The following OOEP variants were observed in gnomAD, a reference collection of about 807,000 sequenced individuals.
The protein encoded by OOEP is oocyte expressed protein.
Under a neutral mutation model 13.7 loss-of-function variants are expected in OOEP, and 16 were observed. The observed-to-expected ratio is 1.16, with a 90% CI of 0.79 to 1.77. The LOEUF is 1.77. OOEP is among the 40% of genes most tolerant of loss of function. The pLI is 0.00. For missense variants in OOEP, 195 were observed against 193.1 expected (o/e 1.01, Z -0.06); for synonymous variants, 89 against 77.1 (o/e 1.15, Z -0.81).
At chr6:73,394,846 C>T (rs1328416516) in exon 1 of OOEP, 3 of 1,583,442 alleles carry the variant, frequency 1.9e-6, no homozygotes, top group Admixed American at 3.5e-5. Context: ...CTTACGACGT[C>T]ACGGTCAGGT....
chr6:73,383,356 C>G lies in OOEP; in HGVS notation c.25+10990G>C, dbSNP rs1027767789. Among the ~76,000 whole-genome samples, 3 of 152,104 alleles carry G rather than the reference C, an allele frequency of 2.0e-5. 1 individual carries two copies. Among genetic ancestry groups the G allele is most frequent in the African/African-American group, 4.8e-5 (2 of 41,414 alleles). On this transcript the variant is annotated intron_variant, in intron 2 of 3. Coordinates refer to the OOEP transcript ENST00000370363. Reference sequence around the variant, plus strand: ...AACAAACTAAAATCAATGCAGGGGCCGGGCACAGTGGCCAGCACTTTGTAA... The same window carrying G: ...AACAAACTAAAATCAATGCAGGGGCGGGGCACAGTGGCCAGCACTTTGTAA...
rs749996594 is a variant in OOEP at position 73,368,808 on chromosome 6, G to T, written c.426C>A (p.His142Gln). 1 of 1,612,894 alleles carries T rather than the reference G, an allele frequency of 6.2e-7. No individual in the cohort carries two copies. Among genetic ancestry groups the T allele is most frequent in the Non-Finnish European group, 8.5e-7 (1 of 1,178,862 alleles). ...CTTAAGCAACAGGATCCTGGGGAGA[G>T]TGGGGGTCTGATGCATGGGCCTTCA... The part of the protein sequence containing the change: ...KNLKAHASDP[H>Q]SPQDPVA The change falls in exon 3 of 3, where the codon CAC becomes CAA. Residue 142 changes from histidine (H) to glutamine (Q), a missense_variant. By Grantham distance (24) the His-to-Gln change is conservative (BLOSUM62 0). Transcript: ENST00000370359.
At chr6:73,382,276 G>A in intron 2 of OOEP, among the ~76,000 whole-genome samples, 1 of 142,958 alleles carries the variant, frequency 7.0e-6, no homozygotes, top group South Asian at 2.2e-4. Context: ...GGAGTGTAGT[G>A]GCGTGATCTC....
intron 2 of OOEP, among the ~76,000 whole-genome samples, chr6:73,384,430 G>A (rs1045228160): frequency 6.6e-6 from 1 of 152,138 alleles, no homozygotes; most frequent in Non-Finnish European, 1.5e-5. Context: ...ACACTTCCCA[G>A]CTAATTATAT....
chr6:73,370,933 C>T (rs1337178401), upstream of OOEP, among the ~76,000 whole-genome samples: 6 of 152,072 alleles, frequency 3.9e-5, no homozygotes, highest in Non-Finnish European at 8.8e-5. Context: ...AGGCACCTGC[C>T]ACCACACCCA....
chr6:73,382,566 G>T (rs539993180), intron 2 of OOEP, among the ~76,000 whole-genome samples: 1 of 151,948 alleles, frequency 6.6e-6, no homozygotes, highest in African/African-American at 2.4e-5. Flanking sequence ...TCACCATGTT[G>T]TCCAGACTGG....
intron 2 of OOEP, among the ~76,000 whole-genome samples, chr6:73,386,568 G>T (rs1470880980): frequency 6.6e-6 from 1 of 152,154 alleles, no homozygotes; most frequent in East Asian, 1.9e-4. Context: ...CTTGATGAAA[G>T]AATTAAAGAT....
rs1377373990 is a variant in OOEP, at chr6:73,369,828, G to T, written c.-36C>A. ...GCAGCCGCGGAGCGCGCTCGAGGCGGCTTTCGCAAGACCTCTTCCAGACCC... is the reference window on the plus strand; with the variant it reads ...GCAGCCGCGGAGCGCGCTCGAGGCGTCTTTCGCAAGACCTCTTCCAGACCC... On this transcript the variant is annotated 5_prime_UTR_variant, in exon 1 of 3. Coordinates refer to ENST00000370359, the MANE Select transcript of OOEP (RefSeq NM_001080507.3). The T allele has an allele frequency of 1.3e-6, 2 of 1,585,860 alleles. No individual in the cohort carries two copies. Among genetic ancestry groups the T allele is most frequent in the Admixed American group, 1.7e-5 (1 of 59,178 alleles).
At chr6:73,372,103 AAAAAT>A (rs1352069652), upstream of OOEP, among the ~76,000 whole-genome samples, 1 of 152,184 alleles carries the variant, frequency 6.6e-6, no homozygotes, top group Non-Finnish European at 1.5e-5. Context: ...GCGAGACCCT[AAAAAT>A]AAACCTAAAA....
At chr6:73,394,220 C>A in intron 2 of OOEP, 1 of 610,124 alleles carries the variant, frequency 1.6e-6, no homozygotes. Context: ...ACAACCATTT[C>A]AAAAACTAAA....
At chr6:73,388,363 TAA>T (rs1416809602) in intron 2 of OOEP, among the ~76,000 whole-genome samples, 5 of 152,262 alleles carry the variant, frequency 3.3e-5, no homozygotes, top group Non-Finnish European at 7.3e-5. Context: ...AATTGAATAG[TAA>T]AATCTCAAAA....
Position 73,392,736 on chromosome 6 carries a change from A to G in OOEP, c.25+1610T>C, listed in dbSNP as rs9446896. 4.1e-3 allele frequency among the ~76,000 whole-genome samples: 559 copies of G among 135,626 alleles called. 6 individuals carry two copies. Among genetic ancestry groups the G allele is most frequent in the African/African-American group, 0.014 (510 of 36,046 alleles). 89.0% of individuals were successfully genotyped at this position (135,626 alleles called of 152,430 possible). ...AACCTCTGCCTCCCGGGTTCAAGCA[A>G]TTATTCTGCCTCAGCCTCCCAAGTA... is the stretch of plus-strand genomic sequence containing the variant. On this transcript the variant is annotated intron_variant, in intron 2 of 3. Transcript: ENST00000370363.
At chr6:73,390,336 G>A (rs1028040620) in intron 2 of OOEP, among the ~76,000 whole-genome samples, 23 of 151,976 alleles carry the variant, frequency 1.5e-4, no homozygotes, top group African/African-American at 4.4e-4. Context: ...AAGTATTGTC[G>A]TCTCTTGGGA....
intron 2 of OOEP, among the ~76,000 whole-genome samples, chr6:73,379,729 A>C (rs1304943412): frequency 1.3e-5 from 2 of 149,846 alleles, no homozygotes; most frequent in African/African-American, 4.9e-5. Flanking sequence ...CTGGTTTCTC[A>C]TATCTTTTTT....
intron 2 of OOEP, among the ~76,000 whole-genome samples, chr6:73,382,850 C>CTTTTTT (rs765716551): frequency 9.8e-6 from 1 of 102,266 alleles, no homozygotes; most frequent in Non-Finnish European, 1.8e-5. Context: ...TGGTTTTTAA[C>CTTTTTT]TTTTTTTTTT....
At chr6:73,384,843 T>A (rs1054411947) in intron 2 of OOEP, among the ~76,000 whole-genome samples, 1 of 151,858 alleles carries the variant, frequency 6.6e-6, no homozygotes, top group African/African-American at 2.4e-5. Context: ...TTCAAGTGAT[T>A]CTCCTGTCTC....
intron 2 of OOEP, among the ~76,000 whole-genome samples, chr6:73,383,603 C>T (rs1315894036): frequency 6.6e-6 from 1 of 151,930 alleles, no homozygotes; most frequent in Non-Finnish European, 1.5e-5. Context: ...CCACTGCACT[C>T]CAGCCTGGGT....
upstream of OOEP, among the ~76,000 whole-genome samples, chr6:73,371,338 C>T (rs1769050869): frequency 6.6e-6 from 1 of 152,144 alleles, no homozygotes; most frequent in African/African-American, 2.4e-5. Flanking sequence ...CAAGGTGGCT[C>T]ATGCCTATAA....
intron 2 of OOEP, among the ~76,000 whole-genome samples, chr6:73,376,020 G>A (rs189594274): frequency 6.6e-6 from 1 of 152,118 alleles, no homozygotes; most frequent in Admixed American, 6.6e-5. Context: ...TTGACCTCAA[G>A]TAATCCACCC....
Sources: gnomAD v4.1 joint callset for allele counts (sites outside exome capture counted in the v4.1 genomes callset) on GRCh38, gnomAD v4.1.1 for gene constraint, MANE v1.5 for transcripts, NCBI Gene and HGNC (gene_info 2026-07-23, HGNC 2026-07-21) for gene names.